SPTY2D1: variants seen among roughly 807,000 people sequenced by gnomAD.
SPTY2D1 encodes the protein protein SPT2 homolog.
SPTY2D1 carries 21 observed loss-of-function variants against 64.0 expected under a neutral mutation model. That is an observed-to-expected ratio of 0.33 (90% CI 0.23 to 0.47). SPTY2D1 has a LOEUF of 0.47. SPTY2D1 is among the 20% of genes least tolerant of loss of function. The pLI, the probability that SPTY2D1 is intolerant of heterozygous loss-of-function variation, is 1.00. For missense variants in SPTY2D1, 724 were observed against 837.2 expected (o/e 0.86, Z 1.67); for synonymous variants, 287 against 286.8 (o/e 1.00, Z -0.01).
intron 1 of SPTY2D1, among the ~76,000 whole-genome samples, 193 bp from the exon 2 acceptor site, chr11:18,617,182 T>A (rs779165289): frequency 1.8e-4 from 28 of 152,340 alleles, no homozygotes; most frequent in Non-Finnish European, 3.2e-4. Context: ...ATGGTGATTT[T>A]GGGGTACAAA....
chr11:18,630,105 G>A (rs1414833027), intron 1 of SPTY2D1, among the ~76,000 whole-genome samples: 2 of 151,902 alleles, frequency 1.3e-5, no homozygotes, highest in East Asian at 1.9e-4. Flanking sequence ...GGAGGCGGAG[G>A]TTACAGTGAG....
intron 1 of SPTY2D1, among the ~76,000 whole-genome samples, chr11:18,626,808 G>C (rs1192374567): frequency 1.3e-5 from 2 of 152,198 alleles, no homozygotes; most frequent in African/African-American, 4.8e-5. Flanking sequence ...GGTAGTGATG[G>C]GGAAGGGAAA....
At chr11:18,627,637 G>A (rs1290548710) in intron 1 of SPTY2D1, among the ~76,000 whole-genome samples, 1 of 152,142 alleles carries the variant, frequency 6.6e-6, no homozygotes, top group African/African-American at 2.4e-5. Flanking sequence ...CCACCACTTT[G>A]GGAGGCCGAG....
chr11:18,614,603 A>C lies in SPTY2D1; in HGVS notation c.1671T>G (p.Asn557Lys), dbSNP rs775789984. ...AGCCAGATAGGGGAGGCTTCATTCC[A>C]TTCATCTGTCCATTGCTGGACCGGC... Reference protein sequence around the residue: ...IISRSSNGQMNGMKPPLSGYR... With the variant: ...IISRSSNGQMKGMKPPLSGYR... Residue 557 changes from asparagine to lysine, a missense_variant, in exon 3 of 6, where the codon AAT becomes AAG. Physicochemically the swap from Asn to Lys is moderately conservative, Grantham distance 94. This residue lies in a region of SPTY2D1 where 119 missense variants were observed against 172.9 expected (regional missense o/e 0.69). Transcript: ENST00000336349. 1.9e-6 allele frequency: 3 copies of C among 1,613,874 alleles called. No individual in the cohort carries two copies. The highest frequency in any genetic ancestry group is 2.5e-6 in the Non-Finnish European group (3 of 1,179,796).
At chr11:18,620,366 C>A (rs1003897880) in intron 1 of SPTY2D1, among the ~76,000 whole-genome samples, 1 of 151,948 alleles carries the variant, frequency 6.6e-6, no homozygotes, top group Non-Finnish European at 1.5e-5. Context: ...GTAGTCCCAG[C>A]CAGTTGGGAG....
chr11:18,623,923 A>G (rs1854456958), intron 1 of SPTY2D1, among the ~76,000 whole-genome samples: 1 of 152,198 alleles, frequency 6.6e-6, no homozygotes, highest in East Asian at 1.9e-4. Flanking sequence ...GTATAGATAT[A>G]CCATGCATTA....
Position 18,611,484 on chromosome 11 carries a change from C to T in SPTY2D1, c.1957G>A (p.Ala653Thr), listed in dbSNP as rs771362913. The T allele has an allele frequency of 6.2e-7, 1 of 1,614,000 alleles. No individual in the cohort carries two copies. Among genetic ancestry groups the T allele is most frequent in the Non-Finnish European group, 8.5e-7 (1 of 1,179,950 alleles). Residue 653 changes from alanine (A) to threonine (T), a missense_variant, in exon 5 of 6, where the codon GCA (alanine) becomes ACA (threonine). Ala to Thr is a moderately conservative substitution (Grantham distance 58, BLOSUM62 0). This residue lies in a region of SPTY2D1 where 119 missense variants were observed against 172.9 expected (regional missense o/e 0.69). Coordinates refer to ENST00000336349, the MANE Select transcript of SPTY2D1 (RefSeq NM_194285.3). The stretch of plus-strand genomic sequence containing the variant: ...GCTAAATTTTATGCTTACCTCTTTG[C>T]TTCTTCCTTCTGCTGCTCTTTCCAA... ...SSWKEQQKEE[A>T]KSLRLGMQED...
chr11:18,634,324 C>A lies in SPTY2D1; in HGVS notation c.-67G>T, dbSNP rs866274569. 7 of 1,559,066 alleles carry A rather than the reference C, an allele frequency of 4.5e-6. No individual in the cohort carries two copies. The South Asian group carries it at 5.6e-5, about 12-fold the overall frequency. On this transcript the variant is annotated 5_prime_UTR_variant, in exon 1 of 6. Transcript: ENST00000336349. ...GGACTGACAGCGCACCTAACCGAGG[C>A]GCCCAGCTACAGCCAACTGCACTGC...
chr11:18,614,862 C>G lies in SPTY2D1; in HGVS notation c.1412G>C (p.Ser471Thr). ...CACTGGTCGTCGAAGTTCATGTGGA[C>G]TGCTCACAGGCCGGCCAGGGCCACG... ...SSRGPGRPVS[S>T]PHELRRPVSG... Residue 471 changes from serine to threonine, a missense_variant, in exon 3 of 6, where the codon AGT becomes ACT. This residue lies in a region of SPTY2D1 where 426 missense variants were observed against 431.8 expected (regional missense o/e 0.99). Coordinates refer to ENST00000336349, the MANE Select transcript of SPTY2D1 (RefSeq NM_194285.3). The G allele has an allele frequency of 1.9e-6, 3 of 1,613,808 alleles. No homozygotes were observed. Among genetic ancestry groups the G allele is most frequent in the Non-Finnish European group, 2.5e-6 (3 of 1,179,846 alleles).
chr11:18,631,181 CTT>C (rs1365653319), intron 1 of SPTY2D1, among the ~76,000 whole-genome samples: 7 of 150,802 alleles, frequency 4.6e-5, no homozygotes, highest in East Asian at 3.9e-4. Flanking sequence ...CCAACTCTCT[CTT>C]TGTTTTTAAT....
chr11:18,626,965 TG>T (rs749789783), intron 1 of SPTY2D1, among the ~76,000 whole-genome samples: 38 of 152,072 alleles, frequency 2.5e-4, no homozygotes, highest in Non-Finnish European at 5.0e-4. Flanking sequence ...TGAAAGAAAA[TG>T]GAGAGTCTAT....
At position 18,615,659 on chromosome 11, in the gene SPTY2D1, T is replaced by C; in HGVS notation, c.615A>G (p.Arg205=). The C allele has an allele frequency of 6.2e-7, 1 of 1,614,256 alleles. No homozygotes were observed. The highest frequency in any genetic ancestry group is 8.5e-7 in the Non-Finnish European group (1 of 1,180,050). Residue 205 remains arginine (R), a synonymous_variant, in exon 3 of 6, where the codon CGA becomes CGG. Coordinates refer to ENST00000336349, the MANE Select transcript of SPTY2D1 (RefSeq NM_194285.3). Reference sequence around the variant, plus strand: ...TCCTATGCTTTCGTTCAAGGAATTCTCGCTCCCTAAGTTCTTCTGCGGTCA... The same window carrying C: ...TCCTATGCTTTCGTTCAAGGAATTCCCGCTCCCTAAGTTCTTCTGCGGTCA... The part of the protein sequence containing the change: ...RPMTAEELRE[R]EFLERKHRRK...
rs796347522 is a variant in SPTY2D1, at chr11:18,633,196, CA to C, written c.60+1001del. 2.7e-5 allele frequency among the ~76,000 whole-genome samples: 4 copies of C among 150,926 alleles called. No homozygotes were observed. In the South Asian group the frequency reaches 6.3e-4, roughly 24 times the overall value. On this transcript the variant is annotated intron_variant, in intron 1 of 5. Coordinates refer to ENST00000336349, the MANE Select transcript of SPTY2D1 (RefSeq NM_194285.3). Reference sequence around the variant, plus strand: ...AAAAGAATGAACTAGCCTCAGAAGACAAAAAAAAGCTGCAGAAGAGAAAAAA... The same window carrying C: ...AAAAGAATGAACTAGCCTCAGAAGACAAAAAAAGCTGCAGAAGAGAAAAAA...
chr11:18,618,033 G>A (rs1190466035), intron 1 of SPTY2D1, among the ~76,000 whole-genome samples: 1 of 152,170 alleles, frequency 6.6e-6, no homozygotes, highest in East Asian at 1.9e-4. Context: ...GCATTTCAAA[G>A]TCCAACTTTT....
At chr11:18,628,492 T>C (rs1453418149) in intron 1 of SPTY2D1, among the ~76,000 whole-genome samples, 1 of 152,208 alleles carries the variant, frequency 6.6e-6, no homozygotes, top group Admixed American at 6.5e-5. Context: ...TGGAGAATCA[T>C]GTTTATAAAG....
At position 18,615,799 on chromosome 11, in the gene SPTY2D1, G is replaced by A; in HGVS notation, c.475C>T (p.Pro159Ser). Reference sequence around the variant, plus strand: ...ATGGGTGGTGGGGCACTTTTAAGGGGGACCTTTGGTTTGCTTTCAACTTTG... The same window carrying A: ...ATGGGTGGTGGGGCACTTTTAAGGGAGACCTTTGGTTTGCTTTCAACTTTG... The part of the protein sequence containing the change: ...PPKVESKPKV[P>S]LKSAPPPMNF... Residue 159 changes from proline (P) to serine (S), a missense_variant, in exon 3 of 6, where the codon CCC becomes TCC. By Grantham distance (74) the Pro-to-Ser change is moderately conservative. Transcript: ENST00000336349. The A allele has an allele frequency of 6.2e-7, 1 of 1,614,048 alleles. No homozygotes were observed.
chr11:18,612,475 A>C lies in SPTY2D1; in HGVS notation c.1725T>G (p.Leu575=). ...GCCTTTTGTAACCAGTAGGGAAGGG[A>C]AGCCTTTGAGGACCTAAGAAACCAT... ...GYRAAQGPQR[L]PFPTGYKRQR... The change falls in exon 4 of 6, where the codon CTT becomes CTG. Residue 575 remains leucine (L), a synonymous_variant. Transcript: ENST00000336349. The surrounding 1 kb of genome is among the most constrained non-coding windows in gnomAD (Gnocchi z 4.6). The C allele has an allele frequency of 1.9e-6, 3 of 1,601,528 alleles. No individual in the cohort carries two copies. Among genetic ancestry groups the C allele is most frequent in the Non-Finnish European group, 2.6e-6 (3 of 1,175,308 alleles).
chr11:18,619,885 C>T (rs1212262182), intron 1 of SPTY2D1, among the ~76,000 whole-genome samples: 1 of 152,176 alleles, frequency 6.6e-6, no homozygotes, highest in East Asian at 1.9e-4. Context: ...ATTAGCATTA[C>T]TTATTTTAAA....
chr11:18,627,810 C>T lies in SPTY2D1; in HGVS notation c.60+6388G>A, dbSNP rs550647762. Among the ~76,000 whole-genome samples, 168 of 151,742 alleles carry T rather than the reference C, an allele frequency of 1.1e-3. 1 individual carries two copies. Among genetic ancestry groups the T allele is most frequent in the Middle Eastern group, 3.4e-3 (1 of 294 alleles). ...AGGAGAATGGCGTGAGCCCGCGAGG[C>T]GGAGCTTGCAGTGAGCCGAGATCAT... On this transcript the variant is annotated intron_variant, in intron 1 of 5. Transcript: ENST00000336349.
Sources: allele counts gnomAD v4.1 joint callset (sites outside exome capture counted in the v4.1 genomes callset), GRCh38; gene constraint gnomAD v4.1.1; regional missense constraint gnomAD v4.1.1; non-coding constraint Gnocchi (gnomAD v3.1); transcripts MANE v1.5; gene names NCBI Gene and HGNC (gene_info 2026-07-23, HGNC 2026-07-21).